Variants in SHISA9 observed in about 807,000 individuals in gnomAD.
SHISA9 encodes protein shisa-9.
Under a neutral mutation model 38.0 loss-of-function variants are expected in SHISA9, and 13 were observed. The ratio of observed to expected loss-of-function variants is 0.34; its 90% CI spans 0.22 to 0.54. SHISA9 has a LOEUF of 0.54. SHISA9 is among the 20% of genes least tolerant of loss of function. SHISA9 has a pLI of 0.91. For synonymous variants in SHISA9, 275 were observed against 242.0 expected (o/e 1.14, Z -1.27); for missense variants, 538 against 575.8 (o/e 0.93, Z 0.67).
intron 2 of SHISA9, among the ~76,000 whole-genome samples, chr16:13,167,636 A>T (rs2050649398): frequency 6.6e-6 from 1 of 152,082 alleles, no homozygotes; most frequent in African/African-American, 2.4e-5. Context: ...TAGTGTTCTC[A>T]TGAGATCTGG....
chr16:13,517,305 G>A, the SHISA9 span, among the ~76,000 whole-genome samples: 1 of 152,126 alleles, frequency 6.6e-6, no homozygotes, highest in South Asian at 2.1e-4. Flanking sequence ...AAGATACCTT[G>A]ATTTCAGACT....
At chr16:13,231,066 G>A (rs2051327401) in intron 4 of SHISA9, among the ~76,000 whole-genome samples, 1 of 152,174 alleles carries the variant, frequency 6.6e-6, no homozygotes, top group South Asian at 2.1e-4. Flanking sequence ...AACCATCTGG[G>A]AATGCAGCCC....
intron 4 of SHISA9, among the ~76,000 whole-genome samples, chr16:13,219,705 G>A (rs1006828354): frequency 6.6e-6 from 1 of 152,164 alleles, no homozygotes; most frequent in African/African-American, 2.4e-5. Flanking sequence ...AGGAATAGGA[G>A]AGAGGCTTTG....
At chr16:13,137,167 G>T (rs542351986) in intron 2 of SHISA9, among the ~76,000 whole-genome samples, 3 of 152,164 alleles carry the variant, frequency 2.0e-5, no homozygotes, top group Non-Finnish European at 4.4e-5. Context: ...CTAACCTTCT[G>T]TATCTGGCCA....
rs374446683 is a variant in SHISA9, at chr16:13,085,970, G to C, written c.692-117424G>C. 1.3e-3 allele frequency among the ~76,000 whole-genome samples: 205 copies of C among 152,054 alleles called. 2 individuals carry two copies. Among genetic ancestry groups the C allele is most frequent in the African/African-American group, 4.5e-3 (187 of 41,470 alleles). The stretch of plus-strand genomic sequence containing the variant: ...GATCAAAGAGAATTTTTTTAAAAAA[G>C]AATGAGAGGCCATAATGAAAACACA... On this transcript the variant is annotated intron_variant, in intron 2 of 4. Transcript: ENST00000558583.
the SHISA9 span, among the ~76,000 whole-genome samples, chr16:13,486,241 G>C: frequency 6.6e-6 from 1 of 152,296 alleles, no homozygotes; most frequent in East Asian, 1.9e-4. Flanking sequence ...CCAGCGAAAT[G>C]GTGAAAGCTA....
chr16:13,222,225 C>T (rs2051233644), intron 4 of SHISA9, among the ~76,000 whole-genome samples: 1 of 152,144 alleles, frequency 6.6e-6, no homozygotes, highest in African/African-American at 2.4e-5. Context: ...ACTTGGGAAT[C>T]ATTATAATTC....
intron 2 of SHISA9, among the ~76,000 whole-genome samples, chr16:12,923,315 G>A (rs1403717151): frequency 1.3e-5 from 2 of 152,210 alleles, no homozygotes; most frequent in East Asian, 1.9e-4. Context: ...GATCCCTTGA[G>A]GCCATGAGTT....
chr16:13,260,654 A>G, the SHISA9 span, among the ~76,000 whole-genome samples: 91 of 152,264 alleles, frequency 6.0e-4, no homozygotes, highest in African/African-American at 2.0e-3. Flanking sequence ...AAGCCATTCA[A>G]TGAGTCTCTA....
chr16:13,072,531 G>A (rs1322755963), intron 2 of SHISA9, among the ~76,000 whole-genome samples: 4 of 152,194 alleles, frequency 2.6e-5, no homozygotes, highest in African/African-American at 9.6e-5. Flanking sequence ...GAGCAGAATC[G>A]CTGAGTTGCT....
chr16:13,338,959 G>A, the SHISA9 span, among the ~76,000 whole-genome samples: 7 of 152,082 alleles, frequency 4.6e-5, no homozygotes, highest in Non-Finnish European at 1.0e-4. Context: ...ATAATTCATG[G>A]CCTCTTGGTA....
chr16:13,462,968 T>A, the SHISA9 span, among the ~76,000 whole-genome samples: 15 of 143,930 alleles, frequency 1.0e-4, no homozygotes, highest in South Asian at 4.5e-4. Flanking sequence ...TCTTAAAAAA[T>A]AAATAAATAA....
chr16:12,978,128 A>T (rs539843563), intron 2 of SHISA9, among the ~76,000 whole-genome samples: 2 of 152,326 alleles, frequency 1.3e-5, no homozygotes, highest in African/African-American at 4.8e-5. Context: ...AAATGGGCAG[A>T]TGACACAACA....
At chr16:13,232,938 G>T (rs1168352241) in intron 4 of SHISA9, among the ~76,000 whole-genome samples, 3 of 152,036 alleles carry the variant, frequency 2.0e-5, no homozygotes, top group Non-Finnish European at 2.9e-5. Flanking sequence ...GATTGGGAGG[G>T]CCTGGAAGAA....
At chr16:12,954,724 A>C (rs1457502023) in intron 2 of SHISA9, among the ~76,000 whole-genome samples, 1 of 152,232 alleles carries the variant, frequency 6.6e-6, no homozygotes, top group Non-Finnish European at 1.5e-5. Context: ...TTTATTTTAC[A>C]GATTAGGAAA....
At chr16:13,279,418 G>A in the SHISA9 span, among the ~76,000 whole-genome samples, 1 of 151,918 alleles carries the variant, frequency 6.6e-6, no homozygotes, top group East Asian at 1.9e-4. Flanking sequence ...TTTGTTCCAA[G>A]GTATAGTTTA....
intron 2 of SHISA9, among the ~76,000 whole-genome samples, chr16:13,091,734 A>G (rs919349922): frequency 6.6e-5 from 10 of 152,112 alleles, no homozygotes; most frequent in Admixed American, 6.6e-4. Flanking sequence ...CTTCCTTGCA[A>G]TGGGTTCACA....
At chr16:12,999,113 C>T (rs1422427020) in intron 2 of SHISA9, among the ~76,000 whole-genome samples, 1 of 152,166 alleles carries the variant, frequency 6.6e-6, no homozygotes, top group Non-Finnish European at 1.5e-5. Context: ...ATAACTCATG[C>T]CTGGAGAAAG....
intron 2 of SHISA9, among the ~76,000 whole-genome samples, chr16:13,179,455 AC>A (rs1325730862): frequency 2.6e-5 from 4 of 152,182 alleles, no homozygotes; most frequent in African/African-American, 9.7e-5. Flanking sequence ...TATGATTACC[AC>A]TGTTTTATAG....
Sources: gnomAD v4.1 joint callset for allele counts (sites outside exome capture counted in the v4.1 genomes callset) on GRCh38, gnomAD v4.1.1 for gene constraint, MANE v1.5 for transcripts, NCBI Gene and HGNC (gene_info 2026-07-23, HGNC 2026-07-21) for gene names.